The following RNF40 variants were observed in gnomAD, a reference collection of about 807,000 sequenced individuals.
RNF40 encodes ring finger protein 40.
RNF40 carries 39 observed loss-of-function variants against 123.3 expected under a neutral mutation model. The observed-to-expected ratio is 0.32, with a 90% confidence interval of 0.24 to 0.41. RNF40 has a LOEUF of 0.41. Ranked by LOEUF, RNF40 falls within the 10% of genes least tolerant of loss-of-function variation. The pLI is 1.00. For synonymous variants in RNF40, 538 were observed against 526.0 expected, an observed-to-expected ratio of 1.02 and a Z score of -0.31; for missense variants, 1,003 against 1,319.9, an observed-to-expected ratio of 0.76 and a Z score of 3.72.
Position 30,769,550 on chromosome 16 carries a change from G to A in RNF40, c.2536G>A (p.Glu846Lys). 6.2e-7 allele frequency: 1 copy of A among 1,611,822 alleles called. No homozygotes were observed. The highest frequency in any genetic ancestry group is 8.5e-7 in the Non-Finnish European group (1 of 1,178,960). ...CTTGCAGGGCAGCCTCGGGGGTGTG[G>A]AGAAGGAGCTGACGCTGCGCAGCCA... The part of the protein sequence containing the change: ...RALQGSLGGV[E>K]KELTLRSQAL... Residue 846 changes from glutamate to lysine, a missense_variant, in exon 17 of 20, where the codon GAG (glutamate) becomes AAG (lysine). Around this residue, in one of 11 missense-constraint regions of RNF40, gnomAD observed 121 missense variants for 125.3 expected, o/e 0.97. Coordinates refer to ENST00000324685, the MANE Select transcript of RNF40 (RefSeq NM_014771.4).
In RNF40 at chr16:30,768,960, G is replaced by A; in HGVS notation, c.2220G>A (p.Leu740=). Residue 740 remains leucine (L), a synonymous_variant, in exon 15 of 20, where the codon CTG becomes CTA. Coordinates refer to ENST00000324685, the MANE Select transcript of RNF40 (RefSeq NM_014771.4). This position sits in a 1 kb window ranked among gnomAD's most constrained non-coding sequence, Gnocchi z 4.1. ...IRQAEEQIEH[L]QRKLGATKQE... is the part of the protein sequence containing the mutation. ...AGGCAGAGGAGCAGATAGAACACCT[G>A]CAGCGCAAGCTGGGTGCCACCAAGC... The A allele has an allele frequency of 6.2e-7, 1 of 1,614,050 alleles. No homozygotes were observed. The highest frequency in any genetic ancestry group is 8.5e-7 in the Non-Finnish European group (1 of 1,180,010).
chr16:30,769,298 TTAAGC>T lies in RNF40; in HGVS notation c.2364_2368del (p.Lys788AsnfsTer20). ...TTGCGGGAAAAGGATGATGCCAACT[TTAAGC>T]TAATGTCAGAGCGGATCAAGGCCAA... On this transcript the variant is annotated frameshift_variant, in exon 16 of 20. Coordinates refer to ENST00000324685, the MANE Select transcript of RNF40 (RefSeq NM_014771.4). LOFTEE classifies it high-confidence loss of function. The T allele has an allele frequency of 6.2e-7, 1 of 1,614,088 alleles. No individual in the cohort carries two copies. Among genetic ancestry groups the T allele is most frequent in the Non-Finnish European group, 8.5e-7 (1 of 1,180,004 alleles).
In RNF40 at chr16:30,763,552, G is replaced by A. The variant is rs765100259; in HGVS notation, c.435G>A (p.Glu145=). The A allele has an allele frequency of 6.2e-7, 1 of 1,614,002 alleles. No homozygotes were observed. Among genetic ancestry groups the A allele is most frequent in the African/African-American group, 1.3e-5 (1 of 74,954 alleles). The change falls in exon 4 of 20, where the codon GAG becomes GAA. Residue 145 remains glutamate (E), a synonymous_variant. Transcript: ENST00000324685. The part of the protein sequence containing the change: ...GTPLPEPGTS[E]LRDPLLMQLR... ...CTCTCCCAGAGCCGGGGACATCAGA[G>A]CTGAGAGGTAGGACCAGAGTGCTGG...
In RNF40 at chr16:30,776,127, A is replaced by G. The variant is rs1159964311; in HGVS notation, c.*2013A>G. 1 of 152,260 alleles carries G rather than the reference A, an allele frequency of 6.6e-6. No individual in the cohort carries two copies. Among genetic ancestry groups the G allele is most frequent in the Admixed American group, 6.5e-5 (1 of 15,288 alleles). The allele number at this position is 152,260 out of a possible 1,614,324, so 9.4% of individuals were successfully genotyped here. A position where few individuals can be genotyped will look rare whatever the true frequency, so the allele number is the denominator to read the frequency against. ...CACCGGTCACGGGTGGAGGTCAGCC[A>G]GGCCTCCGTAAGCGCGGTCCCCTTC... On this transcript the variant is annotated 3_prime_UTR_variant, in exon 20 of 20. Coordinates refer to ENST00000324685, the MANE Select transcript of RNF40 (RefSeq NM_014771.4).
chr16:30,768,139 C>T lies in RNF40; in HGVS notation c.1588C>T (p.Pro530Ser). Residue 530 changes from proline to serine, a missense_variant, in exon 13 of 20, where the codon CCC becomes TCC. By Grantham distance (74) the Pro-to-Ser change is moderately conservative. Transcript: ENST00000324685. The surrounding 1 kb of genome is among the most constrained non-coding windows in gnomAD (Gnocchi z 4.1). ...GGCCAGTGGCTCTGCCCACTCCACC[C>T]CCAACCTGGGCCACCCAGAGGATTC... The part of the protein sequence containing the change: ...AQASGSAHST[P>S]NLGHPEDSGV... 2 of 1,607,712 alleles carry T rather than the reference C, an allele frequency of 1.2e-6. No homozygotes were observed. Among genetic ancestry groups the T allele is most frequent in the Non-Finnish European group, 1.7e-6 (2 of 1,176,410 alleles).
chr16:30,772,236 G>T, intron 19 of RNF40, 46 bp downstream of exon 19: 1 of 1,448,392 alleles, frequency 6.9e-7, no homozygotes, highest in South Asian at 1.2e-5. Flanking sequence ...GAGAATTGTA[G>T]ATGCAGGATT....
Position 30,766,636 on chromosome 16 carries a change from C to G in RNF40, c.1293+78C>G. The G allele has an allele frequency of 6.3e-7, 1 of 1,583,568 alleles. No homozygotes were observed. The highest frequency in any genetic ancestry group is 1.2e-5 in the South Asian group (1 of 86,682). The stretch of plus-strand genomic sequence containing the variant: ...TTGACGTGTTTGTGCCTTCCGAGGC[C>G]CTGTGTGCCAGCCAGGGGTCCCTGG... On this transcript the variant is annotated intron_variant, in intron 10 of 19. Transcript: ENST00000324685. This position sits in a 1 kb window ranked among gnomAD's most constrained non-coding sequence, Gnocchi z 5.4.
chr16:30,769,065 A>C, intron 15 of RNF40, 78 bp downstream of exon 15: 10 of 1,600,952 alleles, frequency 6.2e-6, no homozygotes, highest in Non-Finnish European at 8.6e-6. Context: ...TAGTGCCTGC[A>C]GGACCTTGAT....
rs560357910 is a variant in RNF40 at position 30,765,268 on chromosome 16, G to A, written c.859G>A (p.Glu287Lys). The A allele has an allele frequency of 6.1e-5, 98 of 1,614,234 alleles. No individual in the cohort carries two copies. The highest frequency in any genetic ancestry group is 3.3e-4 in the Middle Eastern group (2 of 6,062). ...TTVEDLQWDI[E>K]KLRKREQKLN... ...AGTGGAGGACTTGCAGTGGGACATC[G>A]AGAAGCTGCGGAAGCGAGAGCAAAA... Residue 287 changes from glutamate to lysine, a missense_variant, in exon 7 of 20, where the codon GAG (glutamate) becomes AAG (lysine). By Grantham distance (56) the Glu-to-Lys change is moderately conservative. This residue lies in a region of RNF40 where 274 missense variants were observed against 356.9 expected (regional missense o/e 0.77). Transcript: ENST00000324685.
chr16:30,767,694 A>C, intron 11 of RNF40, 200 bp from the exon 12 acceptor site: 1 of 582,302 alleles, frequency 1.7e-6, no homozygotes, highest in Non-Finnish European at 3.0e-6. Context: ...AAATCGTATG[A>C]ATAGGCAGTG....
chr16:30,775,056 G>A lies in RNF40; in HGVS notation c.*942G>A, dbSNP rs571471365. 7 of 456,438 alleles carry A rather than the reference G, an allele frequency of 1.5e-5. No homozygotes were observed. The East Asian group carries it at 4.2e-4, about 27-fold the overall frequency. 28.3% of individuals were successfully genotyped at this position (456,438 alleles called of 1,614,324 possible). On this transcript the variant is annotated 3_prime_UTR_variant, in exon 20 of 20. Transcript: ENST00000324685. Reference sequence around the variant, plus strand: ...TCTGCCTGCCCAGCCATGCTCCATCGGCTGTGAGGGCAGTGCCCGGAGAGG... The same window carrying A: ...TCTGCCTGCCCAGCCATGCTCCATCAGCTGTGAGGGCAGTGCCCGGAGAGG...
rs1171390768 is a variant in RNF40, at chr16:30,762,465, T to C, written c.-71-10T>C. The stretch of plus-strand genomic sequence containing the variant: ...GCCGTTCCCACATCTCTGCTCTGTG[T>C]CTTCTGCAGGTGACGGAAGTACCGC... On this transcript the variant is annotated splice_polypyrimidine_tract_variant and intron_variant, in intron 1 of 19. Coordinates refer to ENST00000324685, the MANE Select transcript of RNF40 (RefSeq NM_014771.4). 3.5e-6 allele frequency: 5 copies of C among 1,410,564 alleles called. No homozygotes were observed. Among genetic ancestry groups the C allele is most frequent in the African/African-American group, 1.4e-5 (1 of 69,074 alleles). The allele number at this position is 1,410,564 out of a possible 1,614,324, so 87.4% of individuals were successfully genotyped here. A position where few individuals can be genotyped will look rare whatever the true frequency, so the allele number is the denominator to read the frequency against.
Position 30,774,590 on chromosome 16 carries a change from A to G in RNF40, c.*476A>G, listed in dbSNP as rs1468392790. 1 of 220,028 alleles carries G rather than the reference A, an allele frequency of 4.5e-6. No homozygotes were observed. Among genetic ancestry groups the G allele is most frequent in the Non-Finnish European group, 9.2e-6 (1 of 108,138 alleles). 13.6% of individuals were successfully genotyped at this position (220,028 alleles called of 1,614,324 possible). A position where few individuals can be genotyped will look rare whatever the true frequency, so the allele number is the denominator to read the frequency against. ...GCCCCAGGAAGACTTTCCTTCACCC[A>G]CCATCCCCCTAACCTCGGCAGGGCT... On this transcript the variant is annotated 3_prime_UTR_variant, in exon 20 of 20. Transcript: ENST00000324685.
upstream of RNF40, chr16:30,761,783 C>A (rs1296645989): frequency 6.7e-7 from 1 of 1,491,370 alleles, no homozygotes; most frequent in Non-Finnish European, 8.9e-7. Flanking sequence ...GCGCCCCGGG[C>A]TCCCGCCGCC....
Position 30,767,654 on chromosome 16 carries a change from CAAAA to C in RNF40, c.1430-237_1430-234del, listed in dbSNP as rs1263939457. The stretch of plus-strand genomic sequence containing the variant: ...ACACTGTTTCTATTTAAAAAAAAAA[CAAAA>C]AACCCCACATATTCTATATTAGCAA... On this transcript the variant is annotated intron_variant, in intron 11 of 19. Coordinates refer to ENST00000324685, the MANE Select transcript of RNF40 (RefSeq NM_014771.4). 5.0e-5 allele frequency: 21 copies of C among 424,076 alleles called. No individual in the cohort carries two copies. The East Asian group carries it at 6.0e-4, about 12-fold the overall frequency. The allele number at this position is 424,076 out of a possible 1,614,324, so 26.3% of individuals were successfully genotyped here.
At chr16:30,767,223 A>G (rs2054049840) in intron 11 of RNF40, among the ~76,000 whole-genome samples, 1 of 152,258 alleles carries the variant, frequency 6.6e-6, no homozygotes. Context: ...GCCAGTGAAC[A>G]AAACAGAATT....
At chr16:30,761,900 G>T (rs2151322681), upstream of RNF40, 1 of 756,014 alleles carries the variant, frequency 1.3e-6, no homozygotes, top group East Asian at 2.8e-5. Flanking sequence ...CGAATCCGTG[G>T]GGGCGTCTCC....
At chr16:30,762,739 A>G (rs1035261581) in intron 2 of RNF40, 62 bp downstream of exon 2, 3 of 1,582,592 alleles carry the variant, frequency 1.9e-6, no homozygotes, top group Non-Finnish European at 2.6e-6. Context: ...TTCTCTGGCC[A>G]AACTGTGCGG....
At position 30,775,331 on chromosome 16, in the gene RNF40, G is replaced by A; in HGVS notation, c.*1217G>A. 1 of 294,532 alleles carries A rather than the reference G, an allele frequency of 3.4e-6. No individual in the cohort carries two copies. The highest frequency in any genetic ancestry group is 2.2e-5 in the African/African-American group (1 of 45,192). The allele number at this position is 294,532 out of a possible 1,614,324, so 18.2% of individuals were successfully genotyped here. A position where few individuals can be genotyped will look rare whatever the true frequency, so the allele number is the denominator to read the frequency against. ...AGGGATCCCGGACTGGGCCTGAAGG[G>A]GAGAGCGTGGTGGTCGTCGCGGAGC... On this transcript the variant is annotated 3_prime_UTR_variant, in exon 20 of 20. Coordinates refer to ENST00000324685, the MANE Select transcript of RNF40 (RefSeq NM_014771.4).
Sources: gnomAD v4.1 joint callset for allele counts (sites outside exome capture counted in the v4.1 genomes callset) on GRCh38, gnomAD v4.1.1 for gene constraint, gnomAD v4.1.1 regional missense constraint, Gnocchi (gnomAD v3.1) non-coding constraint, MANE v1.5 for transcripts, NCBI Gene and HGNC (gene_info 2026-07-23, HGNC 2026-07-21) for gene names.